Variants in WDR19 observed in about 807,000 individuals in gnomAD.
WDR19 encodes the protein WD repeat-containing protein 19.
A neutral mutation model predicts 180.0 loss-of-function variants in WDR19; 121 were observed. That is an observed-to-expected ratio of 0.67 (90% CI 0.58 to 0.78). WDR19 has a LOEUF of 0.78. WDR19 is among the 30% of genes least tolerant of loss of function. The pLI is 0.00. For missense variants in WDR19, 1,450 were observed against 1,640.7 expected (o/e 0.88, Z 2.01); for synonymous variants, 497 against 540.7 (o/e 0.92, Z 1.12).
At chr4:39,202,112 T>C (rs1414376253) in intron 6 of WDR19, among the ~76,000 whole-genome samples, 1 of 152,196 alleles carries the variant, frequency 6.6e-6, no homozygotes, top group Admixed American at 6.5e-5. Flanking sequence ...TATTACTTCT[T>C]GCCCTTTCTA....
intron 24 of WDR19, among the ~76,000 whole-genome samples, chr4:39,251,950 T>G (rs1487589573): frequency 6.6e-6 from 1 of 152,148 alleles, no homozygotes; most frequent in Non-Finnish European, 1.5e-5. Context: ...GTCGGTGTGG[T>G]GATTCCTCAG....
intron 28 of WDR19, among the ~76,000 whole-genome samples, chr4:39,260,076 T>C (rs1734138295): frequency 6.6e-6 from 1 of 152,046 alleles, no homozygotes; most frequent in South Asian, 2.1e-4. Flanking sequence ...TCTTCAACTC[T>C]ATATCTCCTA....
At chr4:39,227,309 A>G (rs1730377462) in intron 15 of WDR19, among the ~76,000 whole-genome samples, 1 of 152,188 alleles carries the variant, frequency 6.6e-6, no homozygotes, top group Non-Finnish European at 1.5e-5. Flanking sequence ...CCTATTCAGG[A>G]TATATACAAG....
At chr4:39,217,605 G>A (rs920547655) in intron 13 of WDR19, among the ~76,000 whole-genome samples, 29 of 152,040 alleles carry the variant, frequency 1.9e-4, no homozygotes, top group African/African-American at 6.5e-4. Context: ...ACTCATAATC[G>A]GGCATTTTGT....
At chr4:39,221,497 C>CA (rs1470913210) in intron 14 of WDR19, among the ~76,000 whole-genome samples, 3 of 151,970 alleles carry the variant, frequency 2.0e-5, no homozygotes, top group East Asian at 1.9e-4. Flanking sequence ...AATTGATATG[C>CA]AAAAAAATGC....
intron 1 of WDR19, 116 bp downstream of exon 1, chr4:39,182,679 G>A: frequency 1.7e-6 from 1 of 583,626 alleles, no homozygotes; most frequent in Non-Finnish European, 2.4e-6. Flanking sequence ...AAATGAGGAA[G>A]AGAGAGAGAG....
chr4:39,232,355 C>A, intron 19 of WDR19, 83 bp downstream of exon 19: 2 of 1,144,970 alleles, frequency 1.7e-6, no homozygotes, highest in Non-Finnish European at 2.5e-6. Flanking sequence ...CCGGGTGCAG[C>A]CGCTCACGCC....
At chr4:39,182,602 C>T in intron 1 of WDR19, 39 bp downstream of exon 1, 3 of 1,613,152 alleles carry the variant, frequency 1.9e-6, no homozygotes, top group South Asian at 2.2e-5. Context: ...GGCGGGAAAA[C>T]GCGACTACTG....
At chr4:39,260,822 A>G (rs7656788) in intron 28 of WDR19, among the ~76,000 whole-genome samples, 12,471 of 152,080 alleles carry the variant, frequency 0.082, 1,687 homozygotes, top group African/African-American at 0.28. Context: ...TTTCCTGTAC[A>G]TGTATGCAAG....
At chr4:39,197,411 G>A (rs1398162192) in intron 5 of WDR19, among the ~76,000 whole-genome samples, 1 of 122,760 alleles carries the variant, frequency 8.1e-6, no homozygotes, top group Non-Finnish European at 1.6e-5. Context: ...GGGAAACAGA[G>A]CAAGACTCTA....
At chr4:39,245,252 T>C (rs906281178) in intron 23 of WDR19, 117 bp from the exon 24 acceptor site, 36 of 840,224 alleles carry the variant, frequency 4.3e-5, no homozygotes, top group Non-Finnish European at 5.1e-5. Context: ...GGAGCCAAGA[T>C]TTTTGAAAGA....
At position 39,234,959 on chromosome 4, in the gene WDR19, C is replaced by T. The variant is rs114006207; in HGVS notation, c.2363+84C>T. 1,743 of 734,112 alleles carry T rather than the reference C, an allele frequency of 2.4e-3. 34 individuals are homozygous for T. The African/African-American group carries it at 0.029, about 12-fold the overall frequency. 45.5% of individuals were successfully genotyped at this position (734,112 alleles called of 1,614,324 possible). On this transcript the variant is annotated intron_variant, in intron 20 of 36. Transcript: ENST00000399820. ...TCGAAACTTCCATTAATGATAAGGC[C>T]CTCCATTGATTTAATAATTTTTTTA...
intron 6 of WDR19, 79 bp from the exon 7 acceptor site, chr4:39,203,563 A>T (rs1727595397): frequency 1.7e-6 from 2 of 1,207,756 alleles, no homozygotes; most frequent in Non-Finnish European, 2.4e-6. Context: ...GAATGAAAAC[A>T]AGTTATCCAT....
chr4:39,266,310 A>C (rs181472033), intron 29 of WDR19, among the ~76,000 whole-genome samples, 170 bp downstream of exon 29: 13 of 152,172 alleles, frequency 8.5e-5, no homozygotes, highest in Middle Eastern at 3.2e-3. Context: ...CCTGGGTCAC[A>C]TTGGAAGAAG....
chr4:39,242,109 C>G (rs1344676658), intron 21 of WDR19, among the ~76,000 whole-genome samples: 2 of 151,916 alleles, frequency 1.3e-5, no homozygotes, highest in South Asian at 4.2e-4. Context: ...TTCTGTTGCC[C>G]ACACTGGGGT....
chr4:39,247,812 TAAAAA>T (rs949210583), intron 24 of WDR19, among the ~76,000 whole-genome samples: 1 of 151,750 alleles, frequency 6.6e-6, no homozygotes, highest in Non-Finnish European at 1.5e-5. Context: ...GAAAAAAGAA[TAAAAA>T]GAAACGAACA....
chr4:39,224,780 T>A (rs1730069882), intron 14 of WDR19, 104 bp from the exon 15 acceptor site: 3 of 1,044,628 alleles, frequency 2.9e-6, no homozygotes, highest in Admixed American at 3.2e-5. Context: ...AAACATGACA[T>A]TTTTCTCTTA....
chr4:39,271,629 A>G (rs1425822431), intron 31 of WDR19, among the ~76,000 whole-genome samples: 1 of 152,240 alleles, frequency 6.6e-6, no homozygotes, highest in African/African-American at 2.4e-5. Flanking sequence ...ACATTTATAT[A>G]TATACATATC....
At chr4:39,266,174 G>A (rs772546272) in intron 29 of WDR19, 34 bp downstream of exon 29, 2 of 1,501,668 alleles carry the variant, frequency 1.3e-6, no homozygotes, top group East Asian at 5.0e-5. Flanking sequence ...TGCATCCTCA[G>A]GTCTCAGTTA....
Sources: allele counts gnomAD v4.1 joint callset (sites outside exome capture counted in the v4.1 genomes callset), GRCh38; gene constraint gnomAD v4.1.1; transcripts MANE v1.5; gene names NCBI Gene and HGNC (gene_info 2026-07-23, HGNC 2026-07-21).